Variants in DPYD observed in about 807,000 individuals in gnomAD.
The protein encoded by DPYD is dihydropyrimidine dehydrogenase [NADP(+)].
In DPYD, 109 loss-of-function variants were observed where a neutral mutation model predicts 116.2. That is an observed-to-expected ratio of 0.94 (90% CI 0.80 to 1.10). DPYD has a LOEUF of 1.10. Ranked by LOEUF, DPYD falls within the 50% of genes least tolerant of loss-of-function variation. The probability of loss-of-function intolerance (pLI) is 0.00; values close to 1 mark genes in which losing one functional copy is unlikely to be tolerated. For synonymous variants in DPYD, 440 were observed against 432.0 expected, an observed-to-expected ratio of 1.02 and a Z score of -0.23; for missense variants, 1,302 against 1,254.5, an observed-to-expected ratio of 1.04 and a Z score of -0.57.
At chr1:97,657,341 T>C (rs1658984500) in intron 8 of DPYD, among the ~76,000 whole-genome samples, 1 of 152,210 alleles carries the variant, frequency 6.6e-6, no homozygotes, top group African/African-American at 2.4e-5. Flanking sequence ...AAATGAGTTA[T>C]GACTTTCTGT....
chr1:97,533,594 T>A (rs1649793156), intron 12 of DPYD, among the ~76,000 whole-genome samples: 1 of 152,144 alleles, frequency 6.6e-6, no homozygotes, highest in Non-Finnish European at 1.5e-5. Flanking sequence ...GGAGTCAGTA[T>A]GATCAAGGTG....
At chr1:97,779,969 T>C (rs1487243499) in intron 3 of DPYD, among the ~76,000 whole-genome samples, 1 of 152,200 alleles carries the variant, frequency 6.6e-6, no homozygotes, top group Non-Finnish European at 1.5e-5. Flanking sequence ...CTAATATTTA[T>C]TGGGTGCCTA....
At chr1:97,580,677 G>T in intron 10 of DPYD, among the ~76,000 whole-genome samples, 1 of 152,058 alleles carries the variant, frequency 6.6e-6, no homozygotes, top group East Asian at 1.9e-4. Context: ...CAATAACCCT[G>T]CTAAGTCAGT....
chr1:97,127,348 G>A (rs890958490), intron 20 of DPYD, among the ~76,000 whole-genome samples: 1 of 152,146 alleles, frequency 6.6e-6, no homozygotes, highest in African/African-American at 2.4e-5. Flanking sequence ...CCAGGTAGGG[G>A]AGGGTCTTGG....
At chr1:97,781,439 T>C (rs774124746) in intron 3 of DPYD, among the ~76,000 whole-genome samples, 51 of 152,224 alleles carry the variant, frequency 3.4e-4, no homozygotes, top group Non-Finnish European at 6.8e-4. Flanking sequence ...TATGCATCCA[T>C]TGAGCACCTA....
At chr1:97,857,441 A>G (rs1172386915) in intron 2 of DPYD, among the ~76,000 whole-genome samples, 3 of 152,140 alleles carry the variant, frequency 2.0e-5, no homozygotes, top group African/African-American at 7.2e-5. Context: ...CCCAACTTCC[A>G]AGGATGGGAA....
At chr1:97,650,193 C>T (rs569386454) in intron 8 of DPYD, among the ~76,000 whole-genome samples, 27 of 152,152 alleles carry the variant, frequency 1.8e-4, no homozygotes, top group African/African-American at 6.5e-4. Context: ...ATGTGTTGTA[C>T]TGAATGTCTG....
chr1:97,856,908 T>C (rs1008264626), intron 2 of DPYD: 1 of 152,082 alleles, frequency 6.6e-6, no homozygotes, highest in South Asian at 2.1e-4. Context: ...TGATGTGGAG[T>C]TTCTGGTTCA....
chr1:97,313,206 T>C (rs921898547), intron 16 of DPYD, among the ~76,000 whole-genome samples: 6 of 151,948 alleles, frequency 3.9e-5, no homozygotes, highest in East Asian at 1.9e-4. Context: ...AACAGTATTG[T>C]TGAATTGATA....
chr1:97,364,126 C>A (rs915656371), intron 16 of DPYD, among the ~76,000 whole-genome samples: 2 of 151,914 alleles, frequency 1.3e-5, no homozygotes, highest in African/African-American at 4.8e-5. Flanking sequence ...TCCATGTTAC[C>A]CAAAACACAA....
Position 97,512,068 on chromosome 1 carries a change from T to C in DPYD, c.1740+3658A>G, listed in dbSNP as rs575871067. Among the ~76,000 whole-genome samples, 17 of 152,052 alleles carry C rather than the reference T, an allele frequency of 1.1e-4. No homozygotes were observed. In the South Asian group the frequency reaches 2.9e-3, roughly 26 times the overall value. On this transcript the variant is annotated intron_variant, in intron 13 of 22. Coordinates refer to ENST00000370192, the MANE Select transcript of DPYD (RefSeq NM_000110.4). Reference sequence around the variant, plus strand: ...TTTATGTGTTAACTGTCTGTTCATATACTGGGAAAAAAATAAACTCGATAT... The same window carrying C: ...TTTATGTGTTAACTGTCTGTTCATACACTGGGAAAAAAATAAACTCGATAT...
rs559173774 is a variant in DPYD at position 97,754,950 on chromosome 1, G to A, written c.234-14471C>T. Among the ~76,000 whole-genome samples, 21 of 152,218 alleles carry A rather than the reference G, an allele frequency of 1.4e-4. No homozygotes were observed. In the South Asian group the frequency reaches 2.5e-3, roughly 18 times the overall value. The stretch of plus-strand genomic sequence containing the variant: ...GAATGAGGTATTTATTTGTTTCTTC[G>A]GGACGAATAAGAGGGAGAGAGAGTC... On this transcript the variant is annotated intron_variant, in intron 3 of 22. Transcript: ENST00000370192.
At chr1:97,296,119 A>G (rs1229847888) in intron 18 of DPYD, 1 of 152,188 alleles carries the variant, frequency 6.6e-6, no homozygotes, top group African/African-American at 2.4e-5. Context: ...AATAACATAT[A>G]CATAGAATAT....
intron 10 of DPYD, among the ~76,000 whole-genome samples, chr1:97,589,961 AG>A: frequency 6.6e-6 from 1 of 152,344 alleles, no homozygotes; most frequent in Middle Eastern, 3.4e-3. Flanking sequence ...TCAAGAAATT[AG>A]GGCCAATATT....
chr1:97,441,867 T>G (rs1675815815), intron 14 of DPYD, among the ~76,000 whole-genome samples: 1 of 152,188 alleles, frequency 6.6e-6, no homozygotes, highest in Non-Finnish European at 1.5e-5. Flanking sequence ...AGATCTCACC[T>G]TTAACATTTG....
chr1:97,714,197 T>A (rs967099573), intron 5 of DPYD, among the ~76,000 whole-genome samples: 1 of 151,982 alleles, frequency 6.6e-6, no homozygotes, highest in Non-Finnish European at 1.5e-5. Context: ...AGGCTCCTCG[T>A]CACATAGACC....
chr1:97,249,432 C>A (rs1462814008), intron 18 of DPYD, among the ~76,000 whole-genome samples: 2 of 151,924 alleles, frequency 1.3e-5, no homozygotes, highest in Non-Finnish European at 2.9e-5. Flanking sequence ...ACCATGGCCT[C>A]TACCTCACTT....
intron 8 of DPYD, among the ~76,000 whole-genome samples, chr1:97,600,046 A>G (rs1655154522): frequency 6.6e-6 from 1 of 151,934 alleles, no homozygotes; most frequent in African/African-American, 2.4e-5. Context: ...CTCTGTCTCA[A>G]AAAAACAAAA....
intron 15 of DPYD, among the ~76,000 whole-genome samples, chr1:97,381,828 G>A (rs55698615): frequency 0.073 from 11,177 of 152,208 alleles, 502 homozygotes; most frequent in African/African-American, 0.12. Flanking sequence ...TAAGGCACAT[G>A]GTTACTTGTT....
Sources: allele counts gnomAD v4.1 joint callset (sites outside exome capture counted in the v4.1 genomes callset), GRCh38; gene constraint gnomAD v4.1.1; transcripts MANE v1.5; gene names NCBI Gene and HGNC (gene_info 2026-07-23, HGNC 2026-07-21).